ANKAR: variants seen among roughly 807,000 people sequenced by gnomAD.
ANKAR encodes the protein ankyrin and armadillo repeat-containing protein.
Under a neutral mutation model 146.2 loss-of-function variants are expected in ANKAR, and 136 were observed. That is an observed-to-expected ratio of 0.93 (90% CI 0.81 to 1.07). The LOEUF (loss-of-function observed/expected upper bound fraction) is 1.07. Ranked by LOEUF, ANKAR falls within the 50% of genes least tolerant of loss-of-function variation. The pLI is 0.00. For missense variants in ANKAR, 1,567 were observed against 1,679.9 expected (o/e 0.93, Z 1.18); for synonymous variants, 500 against 575.8 (o/e 0.87, Z 1.88).
chr2:189,745,933 ACT>A (rs1022432667), intron 22 of ANKAR, among the ~76,000 whole-genome samples: 1 of 152,032 alleles, frequency 6.6e-6, no homozygotes, highest in Admixed American at 6.6e-5. Flanking sequence ...TAGTCAGTTC[ACT>A]CTTCACTTTA....
At chr2:189,717,383 T>C (rs1048327328) in intron 10 of ANKAR, among the ~76,000 whole-genome samples, 1 of 150,384 alleles carries the variant, frequency 6.6e-6, no homozygotes, top group East Asian at 1.9e-4. Context: ...AAAACAACAA[T>C]GATATACCAT....
At chr2:189,761,776 T>TA (rs2106107099), downstream of ANKAR, 2 of 1,047,794 alleles carry the variant, frequency 1.9e-6, no homozygotes, top group East Asian at 5.8e-5. Flanking sequence ...CAAAAGTTTG[T>TA]AAAGGCTATA....
Position 189,753,936 on chromosome 2 carries a change from G to A in ANKAR, c.*585-7162G>A, listed in dbSNP as rs747105601. 5 of 1,613,548 alleles carry A rather than the reference G, an allele frequency of 3.1e-6. No homozygotes were observed. The Admixed American group carries it at 8.3e-5, about 27-fold the overall frequency. ...CTTACCAGTACTGCATTATTTTGAG[G>A]TAACAAGTCTCTCTGCTTACAAAAC... is the stretch of plus-strand genomic sequence containing the variant. On this transcript the variant is annotated intron_variant and NMD_transcript_variant, in intron 18 of 18. Transcript: ENST00000441800.
At chr2:189,690,990 G>A (rs544822338) in intron 3 of ANKAR, among the ~76,000 whole-genome samples, 2 of 152,166 alleles carry the variant, frequency 1.3e-5, no homozygotes, top group East Asian at 3.9e-4. Context: ...TGTCCCTTAT[G>A]TTGATTAAAC....
intron 7 of ANKAR, among the ~76,000 whole-genome samples, chr2:189,704,245 G>A (rs563808323): frequency 3.1e-4 from 47 of 151,122 alleles, no homozygotes; most frequent in African/African-American, 9.2e-4. Flanking sequence ...AGGCTCAAGC[G>A]ATTCTCCTGC....
chr2:189,743,404 G>A lies in ANKAR; in HGVS notation c.3940G>A (p.Ala1314Thr). The part of the protein sequence containing the change: ...IRIKNNISRD[A>T]SINPAFLKEF... Reference sequence around the variant, plus strand: ...TATAAAAAATAATATCAGCAGAGATGCAAGTATTAACCCAGCATTTTTAAA... The same window carrying A: ...TATAAAAAATAATATCAGCAGAGATACAAGTATTAACCCAGCATTTTTAAA... Residue 1314 changes from alanine to threonine, a missense_variant, in exon 21 of 23, where the codon GCA becomes ACA. Physicochemically the swap from Ala to Thr is moderately conservative, Grantham distance 58. Coordinates refer to ENST00000684021, the MANE Select transcript of ANKAR (RefSeq NM_001378068.1). 1 of 1,613,988 alleles carries A rather than the reference G, an allele frequency of 6.2e-7. No homozygotes were observed. Among genetic ancestry groups the A allele is most frequent in the South Asian group, 1.1e-5 (1 of 91,072 alleles).
At chr2:189,699,500 TAAC>T (rs1559081679) in intron 7 of ANKAR, among the ~76,000 whole-genome samples, 1 of 152,346 alleles carries the variant, frequency 6.6e-6, no homozygotes, top group Non-Finnish European at 1.5e-5. Flanking sequence ...TACCTTATAA[TAAC>T]AACATATTCC....
chr2:189,758,430 T>TA (rs1474120955), intron 18 of ANKAR, among the ~76,000 whole-genome samples: 34 of 151,882 alleles, frequency 2.2e-4, no homozygotes, highest in African/African-American at 7.7e-4. Flanking sequence ...CTCTCGGTCC[T>TA]GCTCCTGCCA....
intron 12 of ANKAR, among the ~76,000 whole-genome samples, chr2:189,727,481 A>C: frequency 8.0e-6 from 1 of 125,232 alleles, no homozygotes; most frequent in Non-Finnish European, 1.6e-5. Context: ...GATCACACAC[A>C]CCACTGCACT....
intron 7 of ANKAR, among the ~76,000 whole-genome samples, chr2:189,702,003 G>A (rs56366035): frequency 0.011 from 1,628 of 152,204 alleles, 30 homozygotes; most frequent in African/African-American, 0.037. Flanking sequence ...TGGTGAGCCT[G>A]CGTCCCTGTA....
chr2:189,682,727 G>A (rs1328077568), intron 2 of ANKAR, among the ~76,000 whole-genome samples: 1 of 152,216 alleles, frequency 6.6e-6, no homozygotes, highest in African/African-American at 2.4e-5. Context: ...GTTAGTTTTT[G>A]AGAAATGATT....
At chr2:189,706,870 G>A in intron 8 of ANKAR, 68 bp from the exon 9 acceptor site, 1 of 1,230,174 alleles carries the variant, frequency 8.1e-7, no homozygotes, top group Non-Finnish European at 1.1e-6. Context: ...ATTGCAGCTT[G>A]AATAGTTTTA....
At chr2:189,723,749 T>C (rs947061381) in intron 12 of ANKAR, among the ~76,000 whole-genome samples, 10 of 152,218 alleles carry the variant, frequency 6.6e-5, no homozygotes, top group Non-Finnish European at 1.2e-4. Context: ...CTTGTCATAC[T>C]GCTGCTTTCA....
At chr2:189,720,882 A>C (rs960235870) in intron 12 of ANKAR, 95 bp downstream of exon 12, 15 of 1,037,658 alleles carry the variant, frequency 1.4e-5, no homozygotes, top group African/African-American at 4.9e-5. Flanking sequence ...AGATGTCCCG[A>C]ATCTGTGTTT....
chr2:189,699,701 C>T (rs963489169), intron 7 of ANKAR, among the ~76,000 whole-genome samples: 3 of 152,092 alleles, frequency 2.0e-5, no homozygotes, highest in East Asian at 1.9e-4. Context: ...GCTCTGCTGC[C>T]GAGGCTGGAG....
chr2:189,722,237 G>A (rs2041343822), intron 12 of ANKAR, among the ~76,000 whole-genome samples: 1 of 151,694 alleles, frequency 6.6e-6, no homozygotes, highest in African/African-American at 2.4e-5. Flanking sequence ...TACTTGGGAG[G>A]CTGAGGCAGG....
intron 12 of ANKAR, among the ~76,000 whole-genome samples, chr2:189,721,881 C>T (rs571725632): frequency 2.6e-5 from 4 of 152,242 alleles, no homozygotes; most frequent in Admixed American, 6.5e-5. Flanking sequence ...AATGTAGAAG[C>T]GATCTTTCCT....
chr2:189,753,827 T>C (rs559529981), intron 18 of ANKAR: 2 of 1,361,194 alleles, frequency 1.5e-6, no homozygotes, highest in South Asian at 1.3e-5. Flanking sequence ...CATAAAGATC[T>C]GTTCATCCTA....
rs185293317 is a variant in ANKAR at position 189,711,958 on chromosome 2, G to A, written c.2224+805G>A. On this transcript the variant is annotated intron_variant, in intron 10 of 22. Transcript: ENST00000684021. ...GGAGATTATATCTCGTGCCTGGCTC[G>A]GCAGGTCCCACACTGATGGAGCCTT... Among the ~76,000 whole-genome samples, 189 of 152,262 alleles carry A rather than the reference G, an allele frequency of 1.2e-3. 1 individual carries two copies. The highest frequency in any genetic ancestry group is 3.8e-3 in the African/African-American group (159 of 41,552).
Sources: allele counts gnomAD v4.1 joint callset (sites outside exome capture counted in the v4.1 genomes callset), GRCh38; gene constraint gnomAD v4.1.1; transcripts MANE v1.5; gene names NCBI Gene and HGNC (gene_info 2026-07-23, HGNC 2026-07-21).